EIF2AK3: variants seen among roughly 807,000 people sequenced by gnomAD.
The protein encoded by EIF2AK3 is eukaryotic translation initiation factor 2 alpha kinase 3.
A neutral mutation model predicts 113.5 loss-of-function variants in EIF2AK3; 50 were observed. That is an observed-to-expected ratio of 0.44 (90% CI 0.35 to 0.56). The LOEUF (loss-of-function observed/expected upper bound fraction) is 0.56, where lower values mean the gene tolerates loss of function less well. EIF2AK3 is among the 20% of genes least tolerant of loss of function. The pLI, the probability that EIF2AK3 is intolerant of heterozygous loss-of-function variation, is 0.00. For missense variants in EIF2AK3, 1,185 were observed against 1,378.0 expected (o/e 0.86, Z 2.22); for synonymous variants, 448 against 495.4 (o/e 0.90, Z 1.27).
In EIF2AK3 at chr2:88,592,679, C is replaced by T. The variant is rs555010275; in HGVS notation, c.767+593G>A. 1.5e-4 allele frequency among the ~76,000 whole-genome samples: 23 copies of T among 151,460 alleles called. No homozygotes were observed. The South Asian group carries it at 3.1e-3, about 21-fold the overall frequency. ...TCAGGAGGCTGAGGCAGGAGAATTGCTTGAACCCGGGAGGCAGCTGTTGTG... is the reference window on the plus strand; with the variant it reads ...TCAGGAGGCTGAGGCAGGAGAATTGTTTGAACCCGGGAGGCAGCTGTTGTG... On this transcript the variant is annotated intron_variant, in intron 4 of 16. Coordinates refer to ENST00000303236, the MANE Select transcript of EIF2AK3 (RefSeq NM_004836.7).
In EIF2AK3 at chr2:88,627,251, C is replaced by T; in HGVS notation, c.24G>A (p.Gly8=). Reference sequence around the variant, plus strand: ...GCAGCAGCAGCGCCCGTACCAGCAGCCCCGGGCTGATGGCGCGCTCCATCA... The same window carrying T: ...GCAGCAGCAGCGCCCGTACCAGCAGTCCCGGGCTGATGGCGCGCTCCATCA... MERAISP[G]LLVRALLLLL... The change falls in exon 1 of 17, where the codon GGG becomes GGA. Residue 8 remains glycine (G), a synonymous_variant. Transcript: ENST00000303236. The T allele has an allele frequency of 6.7e-7, 1 of 1,487,280 alleles. No homozygotes were observed. The highest frequency in any genetic ancestry group is 8.9e-7 in the Non-Finnish European group (1 of 1,124,712). The allele number at this position is 1,487,280 out of a possible 1,614,324, so 92.1% of individuals were successfully genotyped here. A position where few individuals can be genotyped will look rare whatever the true frequency, so the allele number is the denominator to read the frequency against.
At chr2:88,564,382 G>A (rs974767333) in intron 14 of EIF2AK3, among the ~76,000 whole-genome samples, 1 of 152,108 alleles carries the variant, frequency 6.6e-6, no homozygotes, top group Admixed American at 6.6e-5. Flanking sequence ...TGTTTAAAGA[G>A]GATTAAGAAG....
chr2:88,558,219 T>A (rs1673838107), intron 16 of EIF2AK3, among the ~76,000 whole-genome samples: 2 of 152,142 alleles, frequency 1.3e-5, no homozygotes, highest in South Asian at 4.1e-4. Flanking sequence ...CCAACCCTCA[T>A]TCCAAAAAAA....
intron 14 of EIF2AK3, among the ~76,000 whole-genome samples, chr2:88,568,317 C>T (rs539703442): frequency 1.6e-4 from 25 of 152,286 alleles, no homozygotes; most frequent in Admixed American, 5.9e-4. Context: ...CATAATAATA[C>T]TAAGATATAA....
intron 14 of EIF2AK3, among the ~76,000 whole-genome samples, chr2:88,565,038 G>GTTT (rs778449349): frequency 7.1e-6 from 1 of 140,058 alleles, no homozygotes; most frequent in African/African-American, 2.6e-5. Flanking sequence ...TTAAAAAGGT[G>GTTT]TTTTTTTTTT....
intron 1 of EIF2AK3, among the ~76,000 whole-genome samples, chr2:88,625,558 G>A (rs1384408542): frequency 6.6e-6 from 1 of 152,158 alleles, no homozygotes; most frequent in East Asian, 1.9e-4. Flanking sequence ...TTTCTAGTCT[G>A]TAATGTTGTT....
At chr2:88,567,850 A>G (rs1024853606) in intron 14 of EIF2AK3, among the ~76,000 whole-genome samples, 2 of 152,244 alleles carry the variant, frequency 1.3e-5, no homozygotes, top group South Asian at 2.1e-4. Context: ...TAATGTAAAC[A>G]TAAGCAAATG....
chr2:88,583,003 T>G (rs796134881), intron 10 of EIF2AK3, among the ~76,000 whole-genome samples: 13 of 152,314 alleles, frequency 8.5e-5, no homozygotes, highest in African/African-American at 3.1e-4. Flanking sequence ...CCCTTCTGCT[T>G]TTAAAAACTA....
At chr2:88,562,137 G>T in intron 15 of EIF2AK3, 152 bp downstream of exon 15, 1 of 659,412 alleles carries the variant, frequency 1.5e-6, no homozygotes, top group Non-Finnish European at 2.7e-6. Flanking sequence ...AAATAGTCTA[G>T]AACTCCTCTC....
chr2:88,576,721 T>G lies in EIF2AK3; in HGVS notation c.1887-18A>C. On this transcript the variant is annotated intron_variant, in intron 11 of 16. Coordinates refer to ENST00000303236, the MANE Select transcript of EIF2AK3 (RefSeq NM_004836.7). ...CCAATTCCCTGAAAGAGAGAAAATA[T>G]TTAAGGTGATGGATATTCCAATTAC... The G allele has an allele frequency of 2.5e-6, 4 of 1,613,442 alleles. No homozygotes were observed. Among genetic ancestry groups the G allele is most frequent in the Non-Finnish European group, 3.4e-6 (4 of 1,179,670 alleles).
intron 1 of EIF2AK3, among the ~76,000 whole-genome samples, chr2:88,626,121 A>G (rs1675851389): frequency 1.3e-5 from 2 of 152,228 alleles, no homozygotes; most frequent in African/African-American, 4.8e-5. Flanking sequence ...GCTGTCCCCC[A>G]AATTTACTGT....
At chr2:88,620,177 G>C (rs1217611964) in intron 1 of EIF2AK3, among the ~76,000 whole-genome samples, 1 of 152,026 alleles carries the variant, frequency 6.6e-6, no homozygotes, top group Non-Finnish European at 1.5e-5. Context: ...CACACTGCTT[G>C]GTGTGGCACA....
rs942855330 is a variant in EIF2AK3 at position 88,583,679 on chromosome 2, G to A, written c.1651-137C>T. 1.2e-5 allele frequency: 8 copies of A among 694,260 alleles called. No individual in the cohort carries two copies. The East Asian group carries it at 2.1e-4, about 18-fold the overall frequency. 43.0% of individuals were successfully genotyped at this position (694,260 alleles called of 1,614,324 possible). On this transcript the variant is annotated intron_variant, in intron 9 of 16. Coordinates refer to ENST00000303236, the MANE Select transcript of EIF2AK3 (RefSeq NM_004836.7). ...AAAATAAAAGCATTATGAAAACAAA[G>A]TGCAGCATTTTGCTTTATTATAAAA...
At chr2:88,584,893 T>A (rs929883099) in intron 9 of EIF2AK3, among the ~76,000 whole-genome samples, 12 of 151,824 alleles carry the variant, frequency 7.9e-5, no homozygotes, top group Non-Finnish European at 1.5e-4. Flanking sequence ...AGGAAGGGAT[T>A]AGGGTACCAG....
chr2:88,608,295 G>C (rs1675338945), intron 2 of EIF2AK3, among the ~76,000 whole-genome samples: 1 of 151,998 alleles, frequency 6.6e-6, no homozygotes, highest in African/African-American at 2.4e-5. Flanking sequence ...TCAAACTCCT[G>C]GGCTCAACTG....
chr2:88,598,713 T>C (rs1278080023), intron 2 of EIF2AK3, among the ~76,000 whole-genome samples: 2 of 152,228 alleles, frequency 1.3e-5, no homozygotes, highest in Non-Finnish European at 2.9e-5. Flanking sequence ...TAGAGGATGC[T>C]ATAAAGGATA....
intron 12 of EIF2AK3, chr2:88,575,699 C>T: frequency 2.1e-6 from 1 of 483,778 alleles, no homozygotes. Context: ...TCTGGGGCTG[C>T]CAGAGCAGCC....
intron 6 of EIF2AK3, 130 bp downstream of exon 6, chr2:88,590,313 G>C: frequency 1.1e-6 from 1 of 914,358 alleles, no homozygotes; most frequent in African/African-American, 1.7e-5. Context: ...AAATCTCAAG[G>C]GCAACGTACA....
Position 88,557,946 on chromosome 2 carries a change from TA to T in EIF2AK3, c.3151-11del, listed in dbSNP as rs754991725. 4.0e-5 allele frequency: 65 copies of T among 1,613,722 alleles called. No homozygotes were observed. The highest frequency in any genetic ancestry group is 1.1e-5 in the Non-Finnish European group (13 of 1,179,776). On this transcript the variant is annotated splice_polypyrimidine_tract_variant and intron_variant, in intron 16 of 16. Transcript: ENST00000303236. Reference sequence around the variant, plus strand: ...CTTGAACCATCACGTACTGAAAATATAAAAATTGTTTTGTGATAAAACGGCC... The same window carrying T: ...CTTGAACCATCACGTACTGAAAATATAAAATTGTTTTGTGATAAAACGGCC...
Sources: gnomAD v4.1 joint callset for allele counts (sites outside exome capture counted in the v4.1 genomes callset) on GRCh38, gnomAD v4.1.1 for gene constraint, MANE v1.5 for transcripts, NCBI Gene and HGNC (gene_info 2026-07-23, HGNC 2026-07-21) for gene names.